SLC39A12: variants seen among roughly 807,000 people sequenced by gnomAD.
SLC39A12 encodes solute carrier family 39 member 12, also known as zinc transporter ZIP12.
SLC39A12 carries 63 observed loss-of-function variants against 71.1 expected under a neutral mutation model. The observed-to-expected ratio is 0.89, with a 90% CI of 0.72 to 1.09. The LOEUF (loss-of-function observed/expected upper bound fraction) is 1.09, where lower values mean the gene tolerates loss of function less well. Among genes scored for constraint, SLC39A12 ranks in the 50% least tolerant of loss-of-function variants. The pLI is 0.00. For missense variants in SLC39A12, 892 were observed against 812.6 expected (o/e 1.10, Z -1.19); for synonymous variants, 351 against 301.3 (o/e 1.16, Z -1.71).
chr10:18,037,273 AT>A (rs1330941791), intron 12 of SLC39A12, among the ~76,000 whole-genome samples: 1 of 152,120 alleles, frequency 6.6e-6, no homozygotes, highest in Non-Finnish European at 1.5e-5. Context: ...ATTTTATCAA[AT>A]TTTCATGAAG....
At chr10:18,033,483 G>A (rs1349264942) in intron 12 of SLC39A12, among the ~76,000 whole-genome samples, 2 of 149,508 alleles carry the variant, frequency 1.3e-5, no homozygotes, top group East Asian at 4.1e-4. Context: ...ATTTCTGTGG[G>A]ATCGGTGGTG....
At chr10:18,038,346 G>A (rs1202148662) in intron 12 of SLC39A12, among the ~76,000 whole-genome samples, 1 of 152,120 alleles carries the variant, frequency 6.6e-6, no homozygotes. Flanking sequence ...AGGCTAGTGA[G>A]AAAAATAATG....
At chr10:18,022,809 A>T (rs1350713023) in intron 12 of SLC39A12, among the ~76,000 whole-genome samples, 2 of 152,060 alleles carry the variant, frequency 1.3e-5, no homozygotes, top group African/African-American at 4.8e-5. Context: ...GGTTAGCTTC[A>T]TTTCTGGATG....
At chr10:17,952,327 G>A (rs1834421778) in intron 1 of SLC39A12, among the ~76,000 whole-genome samples, 1 of 146,270 alleles carries the variant, frequency 6.8e-6, no homozygotes, top group Non-Finnish European at 1.5e-5. Flanking sequence ...GTGTGTGTGT[G>A]TCATGTTCTT....
intron 7 of SLC39A12, among the ~76,000 whole-genome samples, chr10:17,990,399 T>C (rs1358701454): frequency 6.6e-6 from 1 of 152,184 alleles, no homozygotes; most frequent in Non-Finnish European, 1.5e-5. Context: ...ATATAATTTC[T>C]TTTTCCTTTT....
chr10:17,956,354 C>G (rs1554847777), intron 2 of SLC39A12, among the ~76,000 whole-genome samples: 1 of 152,108 alleles, frequency 6.6e-6, no homozygotes, highest in Non-Finnish European at 1.5e-5. Flanking sequence ...GGAATCAGAT[C>G]TCTGAGGATC....
At chr10:17,958,057 T>C (rs1031851265) in intron 2 of SLC39A12, among the ~76,000 whole-genome samples, 1 of 152,136 alleles carries the variant, frequency 6.6e-6, no homozygotes, top group Non-Finnish European at 1.5e-5. Context: ...CCTTCCATAT[T>C]GTATGCCTTT....
At chr10:17,996,686 C>G (rs1011731603) in intron 10 of SLC39A12, among the ~76,000 whole-genome samples, 1 of 152,162 alleles carries the variant, frequency 6.6e-6, no homozygotes, top group Non-Finnish European at 1.5e-5. Context: ...TCAGCTCTAG[C>G]GCTGGGGAAC....
intron 6 of SLC39A12, among the ~76,000 whole-genome samples, chr10:17,983,359 G>T (rs11592648): frequency 6.6e-6 from 1 of 151,734 alleles, no homozygotes; most frequent in Non-Finnish European, 1.5e-5. Context: ...ATGGTGGCAC[G>T]TACCTGTGGT....
Position 18,042,918 on chromosome 10 carries a change from T to A in SLC39A12, c.*85T>A. The stretch of plus-strand genomic sequence containing the variant: ...TTGCACTCTATAATGATTTTTAAAT[T>A]AAGAATTTTTTATCTTAGGCAAAGT... On this transcript the variant is annotated 3_prime_UTR_variant, in exon 13 of 13. Transcript: ENST00000377369. The A allele has an allele frequency of 1.7e-6, 2 of 1,185,058 alleles. No homozygotes were observed. Among genetic ancestry groups the A allele is most frequent in the Non-Finnish European group, 2.2e-6 (2 of 890,632 alleles). 73.4% of individuals were successfully genotyped at this position (1,185,058 alleles called of 1,614,324 possible).
At chr10:17,986,722 T>C (rs1407526117) in intron 6 of SLC39A12, among the ~76,000 whole-genome samples, 1 of 152,232 alleles carries the variant, frequency 6.6e-6, no homozygotes, top group Non-Finnish European at 1.5e-5. Context: ...ATAACACTTA[T>C]AAGACTGGGT....
chr10:17,992,088 C>CAAAAAAAAAA (rs59014549), intron 8 of SLC39A12, among the ~76,000 whole-genome samples: 6 of 87,226 alleles, frequency 6.9e-5, no homozygotes, highest in African/African-American at 9.3e-5. Context: ...GACTCCATCT[C>CAAAAAAAAAA]AAAAAAAAAA....
chr10:17,972,359 A>G (rs1464954935), intron 4 of SLC39A12, among the ~76,000 whole-genome samples: 1 of 152,144 alleles, frequency 6.6e-6, no homozygotes, highest in Non-Finnish European at 1.5e-5. Flanking sequence ...ATTTGGTTGT[A>G]TAGTGCAGAT....
chr10:17,959,681 A>G (rs782780889), intron 2 of SLC39A12, among the ~76,000 whole-genome samples: 16 of 152,092 alleles, frequency 1.1e-4, no homozygotes, highest in Non-Finnish European at 1.9e-4. Flanking sequence ...GAGCTCCCCA[A>G]CTGTCTCTGC....
At chr10:18,025,171 AT>A (rs1012654644) in intron 12 of SLC39A12, among the ~76,000 whole-genome samples, 19 of 150,044 alleles carry the variant, frequency 1.3e-4, no homozygotes, top group Non-Finnish European at 2.4e-4. Context: ...TGTCTTTCAC[AT>A]TTTTTTTGCC....
intron 12 of SLC39A12, among the ~76,000 whole-genome samples, chr10:18,036,825 C>T (rs1195702727): frequency 2.4e-5 from 3 of 124,642 alleles, no homozygotes; most frequent in Admixed American, 9.9e-5. Flanking sequence ...TCACTCTTGT[C>T]GCCTAGCCTG....
intron 12 of SLC39A12, among the ~76,000 whole-genome samples, chr10:18,014,136 A>T (rs2130865515): frequency 6.6e-6 from 1 of 152,176 alleles, no homozygotes; most frequent in Middle Eastern, 3.5e-3. Context: ...TTCTTTCAGC[A>T]ATGTTTTATA....
intron 9 of SLC39A12, among the ~76,000 whole-genome samples, chr10:17,994,740 A>T (rs1482736729): frequency 2.6e-5 from 4 of 152,162 alleles, no homozygotes; most frequent in Non-Finnish European, 5.9e-5. Context: ...GCCTATCATT[A>T]TCTTTTGAAT....
At chr10:18,038,341 A>G (rs1837122149) in intron 12 of SLC39A12, among the ~76,000 whole-genome samples, 1 of 152,170 alleles carries the variant, frequency 6.6e-6, no homozygotes, top group East Asian at 1.9e-4. Context: ...AACTAAGGCT[A>G]GTGAGAAAAA....
Sources: gnomAD v4.1 joint callset for allele counts (sites outside exome capture counted in the v4.1 genomes callset) on GRCh38, gnomAD v4.1.1 for gene constraint, MANE v1.5 for transcripts, NCBI Gene and HGNC (gene_info 2026-07-23, HGNC 2026-07-21) for gene names.